Variants in KCNH1 observed in about 807,000 individuals in gnomAD.
The protein encoded by KCNH1 is voltage-gated delayed rectifier potassium channel KCNH1.
Under a neutral mutation model 69.2 loss-of-function variants are expected in KCNH1, and 27 were observed. That is an observed-to-expected ratio of 0.39 (90% CI 0.29 to 0.54). The LOEUF is 0.54. Ranked by LOEUF, KCNH1 falls within the 20% of genes least tolerant of loss-of-function variation. The probability of loss-of-function intolerance (pLI) is 0.68; values close to 1 mark genes in which losing one functional copy is unlikely to be tolerated. For synonymous variants in KCNH1, 456 were observed against 487.7 expected, an observed-to-expected ratio of 0.93 and a Z score of 0.86; for missense variants, 798 against 1,261.6, an observed-to-expected ratio of 0.63 and a Z score of 5.57.
intron 1 of KCNH1, among the ~76,000 whole-genome samples, chr1:211,115,730 T>TATATAC (rs1159442976): frequency 5.7e-5 from 5 of 87,020 alleles, no homozygotes; most frequent in African/African-American, 1.5e-4. Context: ...TATATATATA[T>TATATAC]ACACACACAC....
At chr1:210,725,707 C>T (rs1049451386) in intron 10 of KCNH1, among the ~76,000 whole-genome samples, 2 of 152,206 alleles carry the variant, frequency 1.3e-5, no homozygotes, top group Admixed American at 1.3e-4. Flanking sequence ...TCTCAAGGCT[C>T]TTCAGAAAAT....
At chr1:211,041,165 A>G (rs1163650732) in intron 5 of KCNH1, among the ~76,000 whole-genome samples, 1 of 152,136 alleles carries the variant, frequency 6.6e-6, no homozygotes, top group Non-Finnish European at 1.5e-5. Context: ...TCACCTTCCA[A>G]CGCATCCCAA....
At chr1:210,822,184 C>T (rs994307905) in intron 7 of KCNH1, among the ~76,000 whole-genome samples, 1 of 151,860 alleles carries the variant, frequency 6.6e-6, no homozygotes, top group African/African-American at 2.4e-5. Flanking sequence ...CTGGGCAGGG[C>T]ATGCATTGGG....
chr1:210,753,908 A>G (rs796665078), intron 10 of KCNH1, among the ~76,000 whole-genome samples: 9 of 139,448 alleles, frequency 6.5e-5, no homozygotes, highest in African/African-American at 2.3e-4. Context: ...ATATCAGACT[A>G]ATTTTTTTTT....
chr1:210,819,614 A>G (rs1046023320), intron 7 of KCNH1, among the ~76,000 whole-genome samples: 1 of 151,962 alleles, frequency 6.6e-6, no homozygotes, highest in Admixed American at 6.6e-5. Context: ...GAAAAAAAAA[A>G]CAGCATTCAA....
At chr1:210,734,841 A>C (rs528288160) in intron 10 of KCNH1, among the ~76,000 whole-genome samples, 1 of 152,204 alleles carries the variant, frequency 6.6e-6, no homozygotes, top group Non-Finnish European at 1.5e-5. Flanking sequence ...ACTAAAGGAA[A>C]TAATCTAGTT....
At chr1:210,791,886 T>C (rs1315707025) in intron 9 of KCNH1, among the ~76,000 whole-genome samples, 1 of 152,186 alleles carries the variant, frequency 6.6e-6, no homozygotes, top group Admixed American at 6.5e-5. Context: ...AATTAGGAAC[T>C]GTGACAAGGA....
chr1:210,769,738 G>A (rs1474045556), intron 10 of KCNH1, among the ~76,000 whole-genome samples: 2 of 152,180 alleles, frequency 1.3e-5, no homozygotes, highest in Non-Finnish European at 2.9e-5. Context: ...TGATCAGCAG[G>A]AGAACGTAAT....
At position 210,679,447 on chromosome 1, in the gene KCNH1, G is replaced by T. The variant is rs1681213302; in HGVS notation, c.*3834C>A. On this transcript the variant is annotated 3_prime_UTR_variant, in exon 11 of 11. Coordinates refer to ENST00000271751, the MANE Select transcript of KCNH1 (RefSeq NM_172362.3). Reference sequence around the variant, plus strand: ...ACATCAGCAACGTGTATCTCCACCAGGGCTCCTAAAATTTCCCAGAGTATG... The same window carrying T: ...ACATCAGCAACGTGTATCTCCACCATGGCTCCTAAAATTTCCCAGAGTATG... 6.6e-6 allele frequency: 1 copy of T among 152,190 alleles called. No individual in the cohort carries two copies. The highest frequency in any genetic ancestry group is 1.5e-5 in the Non-Finnish European group (1 of 68,050). 9.4% of individuals were successfully genotyped at this position (152,190 alleles called of 1,614,324 possible).
intron 7 of KCNH1, among the ~76,000 whole-genome samples, chr1:210,890,033 G>GA (rs1474623647): frequency 6.6e-6 from 1 of 152,036 alleles, no homozygotes; most frequent in African/African-American, 2.4e-5. Flanking sequence ...CACAGAATTA[G>GA]AAAAAACTAC....
chr1:210,719,668 A>G (rs1479856227), intron 10 of KCNH1, among the ~76,000 whole-genome samples: 2 of 152,186 alleles, frequency 1.3e-5, no homozygotes, highest in African/African-American at 4.8e-5. Context: ...CCTGTGTAAC[A>G]AACTACACAT....
chr1:211,078,518 A>G (rs1476966535), intron 5 of KCNH1, among the ~76,000 whole-genome samples: 2 of 152,208 alleles, frequency 1.3e-5, no homozygotes, highest in Non-Finnish European at 2.9e-5. Context: ...CTGAATGACT[A>G]CTGGGTGCAT....
chr1:210,736,849 G>T (rs558889660), intron 10 of KCNH1, among the ~76,000 whole-genome samples: 1 of 152,086 alleles, frequency 6.6e-6, no homozygotes, highest in Admixed American at 6.5e-5. Context: ...CTCTTTTTTG[G>T]GTTTTCTGCA....
At chr1:211,068,087 C>T (rs1056872695) in intron 5 of KCNH1, among the ~76,000 whole-genome samples, 7 of 152,182 alleles carry the variant, frequency 4.6e-5, no homozygotes, top group Admixed American at 3.9e-4. Flanking sequence ...GGAGATAAAC[C>T]GGCTTTGAAA....
intron 5 of KCNH1, among the ~76,000 whole-genome samples, chr1:211,064,395 C>T (rs1690490848): frequency 6.6e-6 from 1 of 152,036 alleles, no homozygotes; most frequent in Admixed American, 6.6e-5. Flanking sequence ...CCCATCTCTA[C>T]TAAAAAATAC....
intron 6 of KCNH1, among the ~76,000 whole-genome samples, chr1:210,963,363 A>C (rs1419306602): frequency 7.3e-6 from 1 of 136,894 alleles, no homozygotes; most frequent in African/African-American, 2.6e-5. Flanking sequence ...AATTCCAAAA[A>C]GCAGAATGCC....
At chr1:210,829,258 A>G (rs538067034) in intron 7 of KCNH1, among the ~76,000 whole-genome samples, 5 of 151,670 alleles carry the variant, frequency 3.3e-5, no homozygotes, top group African/African-American at 9.7e-5. Flanking sequence ...TTGTTAACCA[A>G]CTAAACATCC....
chr1:210,826,665 T>C (rs1685037908), intron 7 of KCNH1, among the ~76,000 whole-genome samples: 1 of 152,250 alleles, frequency 6.6e-6, no homozygotes, highest in Admixed American at 6.5e-5. Flanking sequence ...TTTGAGAACA[T>C]CTAAGAAGTA....
intron 6 of KCNH1, among the ~76,000 whole-genome samples, chr1:210,946,234 G>A (rs929831507): frequency 2.6e-5 from 4 of 152,150 alleles, no homozygotes; most frequent in Admixed American, 1.3e-4. Flanking sequence ...TCTGAGGCAT[G>A]GCTTGTACTT....
Sources: gnomAD v4.1 joint callset for allele counts (sites outside exome capture counted in the v4.1 genomes callset) on GRCh38, gnomAD v4.1.1 for gene constraint, MANE v1.5 for transcripts, NCBI Gene and HGNC (gene_info 2026-07-23, HGNC 2026-07-21) for gene names.